RPTOR: variants seen among roughly 807,000 people sequenced by gnomAD.
RPTOR encodes regulatory associated protein of MTOR complex 1.
A neutral mutation model predicts 169.9 loss-of-function variants in RPTOR; 21 were observed. The observed-to-expected ratio is 0.12, with a 90% CI of 0.09 to 0.18. The LOEUF is 0.18. Among genes scored for constraint, RPTOR ranks in the 10% least tolerant of loss-of-function variants. The pLI is 1.00. For synonymous variants in RPTOR, 732 were observed against 753.2 expected (o/e 0.97, Z 0.46); for missense variants, 1,133 against 1,855.9 (o/e 0.61, Z 7.16).
intron 9 of RPTOR, among the ~76,000 whole-genome samples, chr17:80,837,083 C>A (rs867002241): frequency 1.3e-5 from 2 of 152,118 alleles, no homozygotes; most frequent in Non-Finnish European, 2.9e-5. Flanking sequence ...GGCTGTCTCA[C>A]GTTCACCGTG....
rs8078605 is a variant in RPTOR at position 80,861,364 on chromosome 17, C to T, written c.1509+3464C>T. ...AAATCTCACATCTCTCCTGCCTGTC[C>T]CTGTTACACTAAAACCTTTTCTTGC... is the stretch of plus-strand genomic sequence containing the variant. On this transcript the variant is annotated intron_variant, in intron 13 of 33. Transcript: ENST00000306801. The surrounding 1 kb of genome is among the most constrained non-coding windows in gnomAD (Gnocchi z 4.5). Among the ~76,000 whole-genome samples, 26,378 of 144,368 alleles carry T rather than the reference C, an allele frequency of 0.18. 6,823 individuals carry two copies. Among genetic ancestry groups the T allele is most frequent in the African/African-American group, 0.51 (20,798 of 40,752 alleles). The allele number at this position is 144,368 out of a possible 152,430, so 94.7% of individuals were successfully genotyped here. A position where few individuals can be genotyped will look rare whatever the true frequency, so the allele number is the denominator to read the frequency against.
At chr17:80,731,821 A>G (rs2066395795) in intron 5 of RPTOR, among the ~76,000 whole-genome samples, 1 of 152,254 alleles carries the variant, frequency 6.6e-6, no homozygotes, top group Non-Finnish European at 1.5e-5. Flanking sequence ...TGCTGAAACA[A>G]TCAGTAACAA....
At chr17:80,629,471 A>T (rs1286278642) in intron 2 of RPTOR, among the ~76,000 whole-genome samples, 1 of 149,886 alleles carries the variant, frequency 6.7e-6, no homozygotes, top group Non-Finnish European at 1.5e-5. Context: ...TCAGCTCTCT[A>T]TGTATTGCGC....
At chr17:80,700,604 ATGATGG>A (rs1222129269) in intron 3 of RPTOR, among the ~76,000 whole-genome samples, 13 of 11,694 alleles carry the variant, frequency 1.1e-3, no homozygotes, top group South Asian at 3.9e-3. Flanking sequence ...GGTGATGGTG[ATGATGG>A]TGATGGTGGT....
intron 9 of RPTOR, among the ~76,000 whole-genome samples, chr17:80,824,284 A>G (rs1301184893): frequency 6.6e-6 from 1 of 152,240 alleles, no homozygotes; most frequent in Non-Finnish European, 1.5e-5. Context: ...TGTAAGATAA[A>G]ATAGAGAACC....
At chr17:80,748,839 C>T (rs368269635) in intron 5 of RPTOR, among the ~76,000 whole-genome samples, 31 of 28,692 alleles carry the variant, frequency 1.1e-3, no homozygotes, top group Non-Finnish European at 1.5e-3. Context: ...GGAGGGGCTG[C>T]GGTGTGTGTT....
intron 8 of RPTOR, among the ~76,000 whole-genome samples, 168 bp downstream of exon 8, chr17:80,822,469 G>A (rs1341380119): frequency 2.6e-5 from 4 of 152,242 alleles, no homozygotes; most frequent in East Asian, 1.9e-4. Flanking sequence ...AGGTGTCTGC[G>A]AGGGGGTGAG....
intron 20 of RPTOR, among the ~76,000 whole-genome samples, chr17:80,901,205 G>T (rs1015990977): frequency 4.0e-5 from 6 of 150,804 alleles, no homozygotes; most frequent in African/African-American, 1.5e-4. Flanking sequence ...ACAGGGCGAA[G>T]AATCGCAGTT....
Position 80,845,045 on chromosome 17 carries a change from G to A in RPTOR, c.1213-1428G>A, listed in dbSNP as rs1412937485. ...AGGCAGAGCTGTGTGTTAAGTGGAA[G>A]TGACTCTCCGTGGAGGGAATCAGGC... On this transcript the variant is annotated intron_variant, in intron 10 of 33. Transcript: ENST00000306801. The surrounding 1 kb of genome is among the most constrained non-coding windows in gnomAD (Gnocchi z 5.4). Among the ~76,000 whole-genome samples, 1 of 151,490 alleles carries A rather than the reference G, an allele frequency of 6.6e-6. No homozygotes were observed. The highest frequency in any genetic ancestry group is 1.5e-5 in the Non-Finnish European group (1 of 67,918).
chr17:80,743,826 G>GTTA, intron 5 of RPTOR, among the ~76,000 whole-genome samples: 1 of 125,440 alleles, frequency 8.0e-6, no homozygotes, highest in Non-Finnish European at 1.7e-5. Context: ...CAGAGCCCTG[G>GTTA]CTACTAGCAC....
intron 20 of RPTOR, among the ~76,000 whole-genome samples, chr17:80,906,673 A>G (rs2068546590): frequency 6.6e-6 from 1 of 152,192 alleles, no homozygotes; most frequent in Non-Finnish European, 1.5e-5. Flanking sequence ...GAGACATGTC[A>G]GCTCCCAGAA....
chr17:80,622,608 G>A (rs2065362414), intron 1 of RPTOR, among the ~76,000 whole-genome samples: 1 of 152,172 alleles, frequency 6.6e-6, no homozygotes, highest in East Asian at 1.9e-4. Context: ...CCTTTAGAAA[G>A]TGATATTATT....
chr17:80,578,630 C>G (rs372809026), intron 1 of RPTOR, among the ~76,000 whole-genome samples: 2 of 152,166 alleles, frequency 1.3e-5, no homozygotes, highest in Non-Finnish European at 2.9e-5. Flanking sequence ...TACAGGCTTT[C>G]GAGGGGCTGA....
chr17:80,849,299 C>T (rs2067767418), intron 11 of RPTOR, among the ~76,000 whole-genome samples: 1 of 152,186 alleles, frequency 6.6e-6, no homozygotes, highest in African/African-American at 2.4e-5. Flanking sequence ...CACTTCATCC[C>T]TAAGCCAGAG....
At chr17:80,584,075 C>T (rs2065039571) in intron 1 of RPTOR, among the ~76,000 whole-genome samples, 1 of 152,176 alleles carries the variant, frequency 6.6e-6, no homozygotes, top group Admixed American at 6.5e-5. Flanking sequence ...CGCAGGGGGA[C>T]CCAGCAGGGA....
At chr17:80,564,064 T>G (rs1000909965) in intron 1 of RPTOR, among the ~76,000 whole-genome samples, 3 of 147,024 alleles carry the variant, frequency 2.0e-5, no homozygotes, top group African/African-American at 7.3e-5. Context: ...CACATGTCTT[T>G]TCTTTTTTTT....
At chr17:80,800,591 TTATC>T (rs1278592374) in intron 7 of RPTOR, among the ~76,000 whole-genome samples, 2 of 152,190 alleles carry the variant, frequency 1.3e-5, no homozygotes, top group African/African-American at 4.8e-5. Flanking sequence ...CAGTTTCTAA[TTATC>T]TATGCTAACC....
At chr17:80,616,664 T>C (rs2065313290) in intron 1 of RPTOR, among the ~76,000 whole-genome samples, 2 of 152,202 alleles carry the variant, frequency 1.3e-5, no homozygotes, top group South Asian at 4.1e-4. Flanking sequence ...GGCGCATGCC[T>C]GTAGTCTGAG....
chr17:80,839,890 T>G (rs575093171), intron 10 of RPTOR, among the ~76,000 whole-genome samples: 37 of 152,332 alleles, frequency 2.4e-4, no homozygotes, highest in Non-Finnish European at 4.1e-4. Flanking sequence ...TTTTCAAGGA[T>G]TTTACTCTAT....
Sources: gnomAD v4.1 joint callset for allele counts (sites outside exome capture counted in the v4.1 genomes callset) on GRCh38, gnomAD v4.1.1 for gene constraint, Gnocchi (gnomAD v3.1) non-coding constraint, MANE v1.5 for transcripts, NCBI Gene and HGNC (gene_info 2026-07-23, HGNC 2026-07-21) for gene names.